ENTREP2: variants seen among roughly 807,000 people sequenced by gnomAD.
The protein encoded by ENTREP2 is endosomal transmembrane epsin interactor 2.
At chr15:29,329,982 T>C in the ENTREP2 span, among the ~76,000 whole-genome samples, 197 of 152,260 alleles carry the variant, frequency 1.3e-3, no homozygotes, top group African/African-American at 4.0e-3. Context: ...AGGCTGCACA[T>C]AGTGACTTCC....
At chr15:29,140,293 C>G in the ENTREP2 span, among the ~76,000 whole-genome samples, 1 of 152,216 alleles carries the variant, frequency 6.6e-6, no homozygotes, top group Non-Finnish European at 1.5e-5. Context: ...ACTCAGTAAA[C>G]TTCTGCAGAG....
At chr15:29,367,990 C>T in the ENTREP2 span, among the ~76,000 whole-genome samples, 1 of 147,224 alleles carries the variant, frequency 6.8e-6, no homozygotes, top group Non-Finnish European at 1.5e-5. Context: ...GAAAGCATGG[C>T]CCATATTCAG....
At chr15:29,650,857 G>A in the ENTREP2 span, among the ~76,000 whole-genome samples, 8 of 152,202 alleles carry the variant, frequency 5.3e-5, no homozygotes, top group South Asian at 1.7e-3. Context: ...AAAATAAAAT[G>A]AAGTACAATA....
chr15:29,501,895 T>G, the ENTREP2 span, among the ~76,000 whole-genome samples: 1 of 151,516 alleles, frequency 6.6e-6, no homozygotes, highest in Non-Finnish European at 1.5e-5. Flanking sequence ...AATTTTAAAA[T>G]GAAATGAAAA....
At chr15:29,308,875 G>A in the ENTREP2 span, among the ~76,000 whole-genome samples, 5 of 152,118 alleles carry the variant, frequency 3.3e-5, no homozygotes, top group Non-Finnish European at 7.4e-5. Flanking sequence ...CCCTCACCAG[G>A]AGAATGAAAC....
chr15:29,535,243 A>T, the ENTREP2 span, among the ~76,000 whole-genome samples: 1 of 152,054 alleles, frequency 6.6e-6, no homozygotes, highest in Non-Finnish European at 1.5e-5. Context: ...AGAGCAAGAC[A>T]TCATCTCTAA....
At chr15:29,249,222 C>T in the ENTREP2 span, among the ~76,000 whole-genome samples, 9 of 152,282 alleles carry the variant, frequency 5.9e-5, no homozygotes, top group South Asian at 2.1e-4. Flanking sequence ...GCAGAAGAAT[C>T]GCTTGAACCC....
At chr15:29,168,080 C>T in the ENTREP2 span, among the ~76,000 whole-genome samples, 1 of 152,086 alleles carries the variant, frequency 6.6e-6, no homozygotes, top group African/African-American at 2.4e-5. Context: ...GAATGGAAAA[C>T]CAAACATCGT....
chr15:29,634,527 G>T, the ENTREP2 span, among the ~76,000 whole-genome samples: 2 of 152,160 alleles, frequency 1.3e-5, no homozygotes, highest in Non-Finnish European at 2.9e-5. Flanking sequence ...AAATGTGCAG[G>T]GATTTCTCCC....
At chr15:29,195,898 T>A in the ENTREP2 span, among the ~76,000 whole-genome samples, 1 of 152,208 alleles carries the variant, frequency 6.6e-6, no homozygotes, top group East Asian at 1.9e-4. Context: ...TCACTCTTCT[T>A]ATGTATTTTT....
the ENTREP2 span, among the ~76,000 whole-genome samples, chr15:29,581,329 A>G: frequency 6.6e-6 from 1 of 152,186 alleles, no homozygotes; most frequent in South Asian, 2.1e-4. Flanking sequence ...AAGAAATACA[A>G]TAACATCCCT....
At chr15:29,132,339 C>T in the ENTREP2 span, among the ~76,000 whole-genome samples, 1 of 152,166 alleles carries the variant, frequency 6.6e-6, no homozygotes, top group Non-Finnish European at 1.5e-5. Context: ...TTCCAGACTC[C>T]CAGACACGGC....
At chr15:29,499,699 C>T in the ENTREP2 span, among the ~76,000 whole-genome samples, 2 of 152,074 alleles carry the variant, frequency 1.3e-5, no homozygotes, top group African/African-American at 2.4e-5. Flanking sequence ...TGATAACATA[C>T]AAAAACTCTA....
At chr15:29,624,541 C>CAGCACATGATTT in the ENTREP2 span, among the ~76,000 whole-genome samples, 1 of 152,186 alleles carries the variant, frequency 6.6e-6, no homozygotes, top group African/African-American at 2.4e-5. Flanking sequence ...CCAACCAGTA[C>CAGCACATGATTT]AGCACATGAT....
chr15:29,603,094 C>G, the ENTREP2 span, among the ~76,000 whole-genome samples: 1,660 of 152,218 alleles, frequency 0.011, 25 homozygotes, highest in African/African-American at 0.038. Context: ...TGAAATCCCT[C>G]TGGCTGCAGT....
the ENTREP2 span, among the ~76,000 whole-genome samples, chr15:29,223,326 G>A: frequency 6.6e-6 from 1 of 151,418 alleles, no homozygotes; most frequent in African/African-American, 2.5e-5. Flanking sequence ...CTGGGCTGGA[G>A]AGAGTTTGTC....
the ENTREP2 span, among the ~76,000 whole-genome samples, chr15:29,573,179 A>T: frequency 1.3e-5 from 2 of 152,126 alleles, no homozygotes; most frequent in Non-Finnish European, 2.9e-5. Context: ...ACGGAAAGAG[A>T]GCTCCAAGCA....
the ENTREP2 span, among the ~76,000 whole-genome samples, chr15:29,334,361 C>T: frequency 6.6e-6 from 1 of 152,150 alleles, no homozygotes; most frequent in African/African-American, 2.4e-5. Flanking sequence ...GGAAGGTACA[C>T]AACCCAGGGC....
the ENTREP2 span, among the ~76,000 whole-genome samples, chr15:29,445,010 C>T: frequency 6.6e-6 from 1 of 152,226 alleles, no homozygotes; most frequent in Admixed American, 6.5e-5. Context: ...TGACACCTTG[C>T]TTCCTCATAG....
Sources: allele counts gnomAD v4.1 joint callset (sites outside exome capture counted in the v4.1 genomes callset), GRCh38; gene constraint gnomAD v4.1.1; transcripts MANE v1.5; gene names NCBI Gene and HGNC (gene_info 2026-07-23, HGNC 2026-07-21).